The following CLIP2 variants were observed in gnomAD, a reference collection of about 807,000 sequenced individuals.
CLIP2 encodes CAP-Gly domain containing linker protein 2, also known as CAP-Gly domain-containing linker protein 2.
In CLIP2, 41 loss-of-function variants were observed where a neutral mutation model predicts 111.7. That is an observed-to-expected ratio of 0.37 (90% CI 0.29 to 0.48). CLIP2 has a LOEUF of 0.48. Among genes scored for constraint, CLIP2 ranks in the 20% least tolerant of loss-of-function variants. The pLI is 0.99. For synonymous variants in CLIP2, 660 were observed against 644.2 expected (o/e 1.02, Z -0.37); for missense variants, 1,160 against 1,422.1 (o/e 0.82, Z 2.96).
In CLIP2 at chr7:74,310,036, C is replaced by CAAAA. The variant is rs71094774; in HGVS notation, c.-67-7405_-67-7402dup. Among the ~76,000 whole-genome samples the CAAAA allele has an allele frequency of 2.3e-3, 214 of 92,450 alleles. 18 individuals are homozygous for CAAAA. The highest frequency in any genetic ancestry group is 5.8e-3 in the African/African-American group (94 of 16,216). The allele number at this position is 92,450 out of a possible 152,430, so 60.7% of individuals were successfully genotyped here. On this transcript the variant is annotated intron_variant, in intron 1 of 16. Transcript: ENST00000223398. ...GCAATATGGCAAGACCCTGTCTCTA[C>CAAAA]AAAAAAAAAAAAAAAAAAAAAAAAA...
intron 1 of CLIP2, among the ~76,000 whole-genome samples, chr7:74,294,958 GGTTTT>G (rs1427455805): frequency 6.6e-6 from 1 of 151,874 alleles, no homozygotes; most frequent in Non-Finnish European, 1.5e-5. Context: ...ACTGGGGCTA[GGTTTT>G]GTTTTGTTTT....
At chr7:74,344,358 G>A (rs180937751) in intron 3 of CLIP2, among the ~76,000 whole-genome samples, 1 of 152,052 alleles carries the variant, frequency 6.6e-6, no homozygotes, top group Non-Finnish European at 1.5e-5. Context: ...TTCTGGGAGG[G>A]CATACCTCAC....
In CLIP2 at chr7:74,399,544, G is replaced by T. The variant is rs559798559; in HGVS notation, c.2881-826G>T. 6.9e-3 allele frequency among the ~76,000 whole-genome samples: 412 copies of T among 59,412 alleles called. 2 individuals are homozygous for T. Among genetic ancestry groups the T allele is most frequent in the African/African-American group, 0.045 (361 of 7,944 alleles). 39.0% of individuals were successfully genotyped at this position (59,412 alleles called of 152,430 possible). On this transcript the variant is annotated intron_variant, in intron 14 of 16. Transcript: ENST00000223398. ...TAGAGTGAGACTCAGTCTTTTTTTGGGGGGGGGGGGGTGGGGACCAAGTCT... is the reference window on the plus strand; with the variant it reads ...TAGAGTGAGACTCAGTCTTTTTTTGTGGGGGGGGGGGTGGGGACCAAGTCT...
At chr7:74,355,701 G>T (rs188423242) in intron 4 of CLIP2, among the ~76,000 whole-genome samples, 36 of 152,312 alleles carry the variant, frequency 2.4e-4, no homozygotes, top group African/African-American at 8.7e-4. Flanking sequence ...GAGAATCCAG[G>T]GTTTCCATAA....
intron 3 of CLIP2, among the ~76,000 whole-genome samples, chr7:74,349,697 A>C (rs183055257): frequency 2.8e-4 from 42 of 151,320 alleles, no homozygotes; most frequent in African/African-American, 9.7e-4. Context: ...ATCTCGGCTC[A>C]CTGCAACCTC....
At position 74,398,085 on chromosome 7, in the gene CLIP2, G is replaced by A. The variant is rs1341284853; in HGVS notation, c.2880+852G>A. Among the ~76,000 whole-genome samples the A allele has an allele frequency of 4.6e-5, 7 of 151,884 alleles. No homozygotes were observed. In the East Asian group the frequency reaches 5.9e-4, roughly 13 times the overall value. On this transcript the variant is annotated intron_variant, in intron 14 of 16. Transcript: ENST00000223398. ...GACCATCCCCATCCCTTGGCCAGGC[G>A]CAATGGCTCACACCTGTAATCCCAG...
intron 2 of CLIP2, among the ~76,000 whole-genome samples, chr7:74,327,499 AC>A (rs1352215635): frequency 1.3e-5 from 2 of 151,912 alleles, no homozygotes; most frequent in Non-Finnish European, 2.9e-5. Context: ...TGGGGCCCCC[AC>A]CCCCACAGAG....
intron 7 of CLIP2, among the ~76,000 whole-genome samples, chr7:74,361,882 C>G (rs1025546123): frequency 1.3e-5 from 2 of 152,032 alleles, no homozygotes; most frequent in East Asian, 3.9e-4. Flanking sequence ...AGGCGGATCA[C>G]CTGAGGTCAG....
Position 74,353,758 on chromosome 7 carries a change from C to T in CLIP2, c.679-122C>T, listed in dbSNP as rs1433877012. 3.7e-5 allele frequency: 51 copies of T among 1,374,220 alleles called. 1 individual carries two copies. The South Asian group carries it at 4.7e-4, about 13-fold the overall frequency. The allele number at this position is 1,374,220 out of a possible 1,614,324, so 85.1% of individuals were successfully genotyped here. A position where few individuals can be genotyped will look rare whatever the true frequency, so the allele number is the denominator to read the frequency against. On this transcript the variant is annotated intron_variant, in intron 3 of 16. Transcript: ENST00000223398. ...CTTAGGTGTCTCTCCCTCCCCACTCCTGGCTCCCGTGTCCTCTGCATGCTG... is the reference window on the plus strand; with the variant it reads ...CTTAGGTGTCTCTCCCTCCCCACTCTTGGCTCCCGTGTCCTCTGCATGCTG...
chr7:74,332,329 CTCCCAAAGTGCTGGGAT>C (rs1789311457), intron 2 of CLIP2, among the ~76,000 whole-genome samples: 2 of 152,052 alleles, frequency 1.3e-5, no homozygotes, highest in South Asian at 4.2e-4. Flanking sequence ...TCACCTCAGC[CTCCCAAAGTGCTGGGAT>C]TCCAGGCATG....
chr7:74,360,280 T>A lies in CLIP2; in HGVS notation c.1319+2T>A. On this transcript the variant is annotated splice_donor_variant, in intron 7 of 16. Transcript: ENST00000223398. LOFTEE classifies it high-confidence loss of function. ...CAACCAGCTGGAGGAGGAGAGGAGGTACGTGCTGGCCCACCCTCGCCCTGG... is the reference window on the plus strand; with the variant it reads ...CAACCAGCTGGAGGAGGAGAGGAGGAACGTGCTGGCCCACCCTCGCCCTGG... 6.4e-7 allele frequency: 1 copy of A among 1,553,530 alleles called. No homozygotes were observed. Among genetic ancestry groups the A allele is most frequent in the Non-Finnish European group, 8.8e-7 (1 of 1,134,774 alleles).
At chr7:74,394,245 A>ATTTTTT (rs56651501) in intron 13 of CLIP2, among the ~76,000 whole-genome samples, 11 of 117,374 alleles carry the variant, frequency 9.4e-5, no homozygotes, top group African/African-American at 1.3e-4. Context: ...TTTTCTTCTT[A>ATTTTTT]TTTTTTTTTT....
chr7:74,324,585 CCA>C (rs1789061811), intron 2 of CLIP2, among the ~76,000 whole-genome samples: 1 of 151,960 alleles, frequency 6.6e-6, no homozygotes, highest in Non-Finnish European at 1.5e-5. Context: ...GACAGGGGAG[CCA>C]CACCTTGTGC....
Position 74,336,895 on chromosome 7 carries a change from T to G in CLIP2, c.122-1553T>G, listed in dbSNP as rs1426063320. ...TTTTTGTTTTTTTTTGTTTTGTTTT[T>G]TTTTTTTTGAGACAGAGTCTCACTC... On this transcript the variant is annotated intron_variant, in intron 2 of 16. Coordinates refer to ENST00000223398, the MANE Select transcript of CLIP2 (RefSeq NM_003388.5). Among the ~76,000 whole-genome samples, 481 of 112,780 alleles carry G rather than the reference T, an allele frequency of 4.3e-3. 9 individuals are homozygous for G. The highest frequency in any genetic ancestry group is 3.8e-3 in the South Asian group (13 of 3,404). The allele number at this position is 112,780 out of a possible 152,430, so 74.0% of individuals were successfully genotyped here.
chr7:74,291,596 T>C (rs894637509), intron 1 of CLIP2, among the ~76,000 whole-genome samples: 2 of 152,094 alleles, frequency 1.3e-5, no homozygotes, highest in African/African-American at 4.8e-5. Flanking sequence ...TGTGACAGAG[T>C]AGATGTCCTA....
intron 8 of CLIP2, among the ~76,000 whole-genome samples, chr7:74,367,744 A>AC (rs1554311069): frequency 6.7e-6 from 1 of 149,502 alleles, no homozygotes; most frequent in Admixed American, 6.7e-5. Flanking sequence ...CCCTAACACC[A>AC]CCCCCCTTAC....
chr7:74,332,414 C>T (rs1789314684), intron 2 of CLIP2, among the ~76,000 whole-genome samples: 1 of 148,100 alleles, frequency 6.8e-6, no homozygotes, highest in African/African-American at 2.5e-5. Flanking sequence ...ATTGCCCAGG[C>T]TGGATTGCAG....
intron 1 of CLIP2, among the ~76,000 whole-genome samples, chr7:74,309,772 C>T (rs954690159): frequency 6.7e-6 from 1 of 150,240 alleles, no homozygotes; most frequent in Non-Finnish European, 1.5e-5. Context: ...ACAGGAGAAT[C>T]GCTTGAACCC....
chr7:74,366,005 T>C (rs1440777517), intron 8 of CLIP2, among the ~76,000 whole-genome samples: 3 of 151,852 alleles, frequency 2.0e-5, no homozygotes, highest in African/African-American at 7.3e-5. Flanking sequence ...GGTCTCAAAC[T>C]CCTAGGTTCA....
Sources: allele counts gnomAD v4.1 joint callset (sites outside exome capture counted in the v4.1 genomes callset), GRCh38; gene constraint gnomAD v4.1.1; transcripts MANE v1.5; gene names NCBI Gene and HGNC (gene_info 2026-07-23, HGNC 2026-07-21).